The following HYDIN variants were observed in gnomAD, a reference collection of about 807,000 sequenced individuals.
HYDIN encodes the protein HYDIN axonemal central pair apparatus protein.
HYDIN carries 132 observed loss-of-function variants against 403.9 expected under a neutral mutation model. The observed-to-expected ratio is 0.33, with a 90% CI of 0.28 to 0.38. HYDIN has a LOEUF of 0.38. Ranked by LOEUF, HYDIN falls within the 10% of genes least tolerant of loss-of-function variation. The probability of loss-of-function intolerance (pLI) is 1.00; values close to 1 mark genes in which losing one functional copy is unlikely to be tolerated. For missense variants in HYDIN, 2,827 were observed against 5,009.5 expected, an observed-to-expected ratio of 0.56 and a Z score of 13.15; for synonymous variants, 1,202 against 1,891.7, an observed-to-expected ratio of 0.64 and a Z score of 9.46.
At chr16:70,808,594 T>C (rs2035255349) in intron 85 of HYDIN, among the ~76,000 whole-genome samples, 1 of 152,196 alleles carries the variant, frequency 6.6e-6, no homozygotes, top group Non-Finnish European at 1.5e-5. Flanking sequence ...CTGGCCTCTC[T>C]GGAAAATTGC....
chr16:71,219,605 C>T (rs2089086379), intron 1 of HYDIN, among the ~76,000 whole-genome samples: 1 of 152,142 alleles, frequency 6.6e-6, no homozygotes, highest in Non-Finnish European at 1.5e-5. Context: ...GTCCACTTTT[C>T]CTCCATACCA....
chr16:70,958,272 T>G (rs1294535726), intron 39 of HYDIN, among the ~76,000 whole-genome samples: 1 of 151,678 alleles, frequency 6.6e-6, no homozygotes, highest in Non-Finnish European at 1.5e-5. Context: ...ATCAGTCTGA[T>G]TTTGACATAG....
At chr16:71,114,641 C>T (rs1265574058) in intron 10 of HYDIN, among the ~76,000 whole-genome samples, 3 of 141,592 alleles carry the variant, frequency 2.1e-5, no homozygotes, top group Admixed American at 1.4e-4. Flanking sequence ...CATATACACA[C>T]ATTTACATGT....
At chr16:71,212,567 T>C (rs1323458353) in intron 1 of HYDIN, among the ~76,000 whole-genome samples, 3 of 152,138 alleles carry the variant, frequency 2.0e-5, no homozygotes, top group Non-Finnish European at 4.4e-5. Context: ...ATTTAGATAT[T>C]CCATGTAAGT....
chr16:71,175,461 A>G, intron 5 of HYDIN, 146 bp downstream of exon 5: 1 of 857,766 alleles, frequency 1.2e-6, no homozygotes, highest in Non-Finnish European at 1.8e-6. Context: ...ACCAACAACA[A>G]CAACACAAAT....
At chr16:70,956,400 T>C (rs1219246549) in intron 39 of HYDIN, among the ~76,000 whole-genome samples, 1 of 152,118 alleles carries the variant, frequency 6.6e-6, no homozygotes, top group East Asian at 1.9e-4. Context: ...AAAAAAGAAA[T>C]AGGTGATGTG....
At chr16:71,205,904 G>A (rs1462169148) in intron 1 of HYDIN, among the ~76,000 whole-genome samples, 2 of 152,198 alleles carry the variant, frequency 1.3e-5, no homozygotes, top group Admixed American at 6.5e-5. Context: ...ACAGCCTCCT[G>A]TTGTCCTGGA....
intron 1 of HYDIN, among the ~76,000 whole-genome samples, chr16:71,188,224 G>T (rs2087250340): frequency 6.6e-6 from 1 of 152,026 alleles, no homozygotes; most frequent in Non-Finnish European, 1.5e-5. Flanking sequence ...TGAACACCTA[G>T]GCTCAAGCAA....
At chr16:71,116,111 G>A (rs2084016480) in intron 9 of HYDIN, among the ~76,000 whole-genome samples, 1 of 151,442 alleles carries the variant, frequency 6.6e-6, no homozygotes, top group Non-Finnish European at 1.5e-5. Context: ...TAGGTCTCCA[G>A]AACTTATAAC....
chr16:70,960,267 ATC>A (rs2078371059), intron 38 of HYDIN, among the ~76,000 whole-genome samples: 1 of 151,448 alleles, frequency 6.6e-6, no homozygotes. Flanking sequence ...CACAGGCCAA[ATC>A]TGTCCTGCTG....
At chr16:70,887,548 A>C (rs1053982899) in intron 58 of HYDIN, among the ~76,000 whole-genome samples, 10 of 152,206 alleles carry the variant, frequency 6.6e-5, no homozygotes, top group Non-Finnish European at 1.3e-4. Context: ...TGATTTTAGC[A>C]CTTCTGACCT....
At chr16:70,837,350 G>C (rs977670465) in intron 77 of HYDIN, among the ~76,000 whole-genome samples, 2 of 151,962 alleles carry the variant, frequency 1.3e-5, no homozygotes, top group Non-Finnish European at 1.5e-5. Context: ...AACATGCCCT[G>C]ATGCAGGAGG....
At position 70,863,326 on chromosome 16, in the gene HYDIN, AT is replaced by A. The variant is rs2039527140; in HGVS notation, c.11472-145del. The A allele has an allele frequency of 1.4e-5, 10 of 732,892 alleles. 1 individual carries two copies. The South Asian group carries it at 3.1e-4, about 23-fold the overall frequency. The allele number at this position is 732,892 out of a possible 1,614,324, so 45.4% of individuals were successfully genotyped here. A position where few individuals can be genotyped will look rare whatever the true frequency, so the allele number is the denominator to read the frequency against. On this transcript the variant is annotated intron_variant, in intron 67 of 85. Coordinates refer to ENST00000393567, the MANE Select transcript of HYDIN (RefSeq NM_001270974.2). ...TTTTTAAAAAGGCACATTTTAAGTA[AT>A]TTTATTAGAAATCATGCATATGATA...
intron 18 of HYDIN, among the ~76,000 whole-genome samples, chr16:71,057,099 T>G (rs1239229652): frequency 9.3e-6 from 1 of 108,016 alleles, no homozygotes; most frequent in Non-Finnish European, 1.9e-5. Flanking sequence ...GGACAGAGAT[T>G]GACTCTTCCT....
At chr16:71,113,389 A>T (rs1325463956) in intron 10 of HYDIN, 1 of 151,748 alleles carries the variant, frequency 6.6e-6, no homozygotes, top group Admixed American at 6.6e-5. Context: ...GCATTTAAAC[A>T]CAATTCTGAA....
chr16:70,809,860 T>C lies in HYDIN; in HGVS notation c.14806A>G (p.Thr4936Ala). ...ALPEKPVHFQ[T>A]VLGSSQIILV... is the part of the protein sequence containing the mutation. The stretch of plus-strand genomic sequence containing the variant: ...ATGATTTGGCTGCTGCCAAGGACAG[T>C]CTGGAAGTGAACAGGCTTTTCCGGA... Residue 4936 changes from threonine (T) to alanine (A), a missense_variant, in exon 85 of 86, where the codon ACT (threonine) becomes GCT (alanine). Coordinates refer to ENST00000393567, the MANE Select transcript of HYDIN (RefSeq NM_001270974.2). 6.2e-7 allele frequency: 1 copy of C among 1,614,212 alleles called. No homozygotes were observed.
intron 20 of HYDIN, among the ~76,000 whole-genome samples, chr16:71,025,925 G>C (rs368304275): frequency 2.0e-5 from 3 of 151,170 alleles, no homozygotes; most frequent in Non-Finnish European, 3.0e-5. Flanking sequence ...TTTTCAGATG[G>C]AGTTTGCTCT....
intron 44 of HYDIN, 33 bp from the exon 45 acceptor site, chr16:70,936,147 AG>A: frequency 8.9e-7 from 1 of 1,122,470 alleles, no homozygotes; most frequent in Non-Finnish European, 1.3e-6. Context: ...AAAACAGTTC[AG>A]GGGCCCCCAT....
chr16:70,851,484 A>G (rs1199401616), intron 73 of HYDIN, among the ~76,000 whole-genome samples: 1 of 148,328 alleles, frequency 6.7e-6, no homozygotes, highest in Non-Finnish European at 1.5e-5. Flanking sequence ...AATGCTTCAC[A>G]TTACTAATCA....
Sources: gnomAD v4.1 joint callset for allele counts (sites outside exome capture counted in the v4.1 genomes callset) on GRCh38, gnomAD v4.1.1 for gene constraint, MANE v1.5 for transcripts, NCBI Gene and HGNC (gene_info 2026-07-23, HGNC 2026-07-21) for gene names.